SIPA1L3: variants seen among roughly 807,000 people sequenced by gnomAD.
SIPA1L3 encodes the protein signal-induced proliferation-associated 1-like protein 3.
SIPA1L3 carries 59 observed loss-of-function variants against 150.1 expected under a neutral mutation model. The observed-to-expected ratio is 0.39, with a 90% CI of 0.32 to 0.49. The LOEUF is 0.49. Among genes scored for constraint, SIPA1L3 ranks in the 20% least tolerant of loss-of-function variants. The pLI is 0.86. For synonymous variants in SIPA1L3, 1,070 were observed against 1,077.6 expected, an observed-to-expected ratio of 0.99 and a Z score of 0.14; for missense variants, 2,211 against 2,489.5, an observed-to-expected ratio of 0.89 and a Z score of 2.38.
Position 37,922,518 on chromosome 19 carries a change from C to T in SIPA1L3, c.-379+15160C>T, listed in dbSNP as rs537141508. On this transcript the variant is annotated intron_variant, in intron 1 of 21. Transcript: ENST00000222345. ...CAGCGATTCTCCTGCCTCAGCCTCC[C>T]GAGTAGCTGGGACTACAGGTACCCG... Among the ~76,000 whole-genome samples, 6 of 151,998 alleles carry T rather than the reference C, an allele frequency of 3.9e-5. No individual in the cohort carries two copies. In the South Asian group the frequency reaches 1.0e-3, roughly 26 times the overall value.
At chr19:38,203,873 C>T in intron 20 of SIPA1L3, 1 of 518,332 alleles carries the variant, frequency 1.9e-6, no homozygotes, top group Non-Finnish European at 3.5e-6. Context: ...AAAACGCACA[C>T]TTAAGGGTGG....
intron 2 of SIPA1L3, among the ~76,000 whole-genome samples, chr19:38,079,282 G>A (rs1445496805): frequency 1.3e-5 from 2 of 152,180 alleles, no homozygotes; most frequent in Non-Finnish European, 2.9e-5. Context: ...GCAGTGAGCC[G>A]AGATCGCGCC....
At chr19:37,923,818 G>T (rs1176008625) in intron 1 of SIPA1L3, among the ~76,000 whole-genome samples, 1 of 151,266 alleles carries the variant, frequency 6.6e-6, no homozygotes, top group Non-Finnish European at 1.5e-5. Flanking sequence ...GGAGTGCAGT[G>T]GCACGATCTT....
chr19:38,201,480 G>A lies in SIPA1L3; in HGVS notation c.4985-382G>A, dbSNP rs569213416. Among the ~76,000 whole-genome samples, 12 of 152,286 alleles carry A rather than the reference G, an allele frequency of 7.9e-5. No individual in the cohort carries two copies. The South Asian group carries it at 2.1e-3, about 26-fold the overall frequency. ...ATCCCCGTGGACCTGGCGCCAGCCCGTCCACTTTGTAACCCTTTTTTCCTA... is the reference window on the plus strand; with the variant it reads ...ATCCCCGTGGACCTGGCGCCAGCCCATCCACTTTGTAACCCTTTTTTCCTA... On this transcript the variant is annotated intron_variant, in intron 19 of 21. Transcript: ENST00000222345.
intron 10 of SIPA1L3, among the ~76,000 whole-genome samples, chr19:38,131,927 C>T (rs1228170499): frequency 6.6e-6 from 1 of 151,864 alleles, no homozygotes; most frequent in Non-Finnish European, 1.5e-5. Flanking sequence ...CCACTGCGTC[C>T]AGCCAACAGC....
intron 1 of SIPA1L3, among the ~76,000 whole-genome samples, chr19:37,918,871 AAAATAAATAAATAAATAAAT>A (rs56883776): frequency 2.9e-4 from 40 of 140,310 alleles, no homozygotes; most frequent in African/African-American, 1.0e-3. Flanking sequence ...ACTCGGTCTC[AAAATAAATAAATAAATAAAT>A]AAATAAATAA....
intron 1 of SIPA1L3, among the ~76,000 whole-genome samples, chr19:37,923,263 A>T (rs1056785341): frequency 2.0e-5 from 3 of 152,172 alleles, no homozygotes; most frequent in Non-Finnish European, 4.4e-5. Flanking sequence ...CTGTGTTCTG[A>T]GAAATGTGTT....
At chr19:37,926,318 A>G (rs1371991987) in intron 1 of SIPA1L3, among the ~76,000 whole-genome samples, 6 of 152,106 alleles carry the variant, frequency 3.9e-5, no homozygotes, top group Non-Finnish European at 7.4e-5. Context: ...AGGGCTTGCT[A>G]TTAAGCCCAG....
rs764959302 is a variant in SIPA1L3, at chr19:38,164,844, C to T, written c.4146C>T (p.Ser1382=). 1.3e-6 allele frequency: 2 copies of T among 1,595,698 alleles called. No homozygotes were observed. The highest frequency in any genetic ancestry group is 1.3e-5 in the African/African-American group (1 of 74,776). ...QSKGYRPKLY[S]SGSSTPTGLA... is the part of the protein sequence containing the mutation. ...AGGGCTACCGACCGAAGCTGTACTC[C>T]TCCGGCTCCAGCACCCCCACGGGAC... Residue 1382 remains serine (S), a synonymous_variant, in exon 15 of 22, where the codon TCC becomes TCT. Coordinates refer to ENST00000222345, the MANE Select transcript of SIPA1L3 (RefSeq NM_015073.3). The surrounding 1 kb of genome is among the most constrained non-coding windows in gnomAD (Gnocchi z 4.1).
intron 2 of SIPA1L3, 114 bp from the exon 3 acceptor site, chr19:38,081,142 A>T: frequency 2.5e-6 from 1 of 398,934 alleles, no homozygotes; most frequent in Non-Finnish European, 4.4e-6. Context: ...GCAAATTTCC[A>T]TAATAAAAAG....
At chr19:38,078,511 T>TGC (rs1969902696) in intron 2 of SIPA1L3, among the ~76,000 whole-genome samples, 1 of 106,074 alleles carries the variant, frequency 9.4e-6, no homozygotes, top group South Asian at 3.1e-4. Flanking sequence ...CACACAGACA[T>TGC]GCACACACAC....
chr19:38,035,076 G>A (rs1968749801), intron 2 of SIPA1L3, among the ~76,000 whole-genome samples: 1 of 152,160 alleles, frequency 6.6e-6, no homozygotes, highest in African/African-American at 2.4e-5. Flanking sequence ...CCCAGTGGAG[G>A]TGCCTAACCC....
chr19:38,066,658 C>T (rs1366731900), intron 2 of SIPA1L3, among the ~76,000 whole-genome samples: 4 of 151,378 alleles, frequency 2.6e-5, no homozygotes, highest in Non-Finnish European at 5.9e-5. Context: ...AAACCCCTGT[C>T]TCTACTAAAA....
Position 38,018,674 on chromosome 19 carries a change from G to A in SIPA1L3, c.-378-10415G>A, listed in dbSNP as rs548150867. Among the ~76,000 whole-genome samples the A allele has an allele frequency of 2.6e-5, 4 of 152,236 alleles. No individual in the cohort carries two copies. The South Asian group carries it at 8.3e-4, about 32-fold the overall frequency. On this transcript the variant is annotated intron_variant, in intron 1 of 21. Coordinates refer to ENST00000222345, the MANE Select transcript of SIPA1L3 (RefSeq NM_015073.3). The stretch of plus-strand genomic sequence containing the variant: ...ATTCTTCAGCTAATGGACATTCTGG[G>A]TTATCCTTACTCCCACTTTTCACAT...
chr19:37,936,027 C>G (rs764317302), intron 1 of SIPA1L3, among the ~76,000 whole-genome samples: 2 of 152,114 alleles, frequency 1.3e-5, no homozygotes, highest in Non-Finnish European at 2.9e-5. Context: ...CATCCTTAGC[C>G]TCATATTCAT....
chr19:37,927,876 T>C (rs1568466981), intron 1 of SIPA1L3, among the ~76,000 whole-genome samples: 1 of 152,136 alleles, frequency 6.6e-6, no homozygotes, highest in African/African-American at 2.4e-5. Flanking sequence ...AGACATGATT[T>C]CATTCTTGTT....
intron 9 of SIPA1L3, among the ~76,000 whole-genome samples, chr19:38,125,532 T>C (rs1197900471): frequency 6.6e-6 from 1 of 151,898 alleles, no homozygotes; most frequent in East Asian, 1.9e-4. Context: ...TCCACAGCCA[T>C]ACCCCCACCC....
At chr19:38,042,358 A>G (rs556806781) in intron 2 of SIPA1L3, among the ~76,000 whole-genome samples, 1 of 152,306 alleles carries the variant, frequency 6.6e-6, no homozygotes, top group South Asian at 2.1e-4. Context: ...ATAGCTTTGT[A>G]ATATAATTTT....
chr19:38,036,064 T>C (rs952282566), intron 2 of SIPA1L3, among the ~76,000 whole-genome samples: 1 of 152,206 alleles, frequency 6.6e-6, no homozygotes, highest in African/African-American at 2.4e-5. Context: ...GACCCATGGC[T>C]CCTGGCCTCC....
Sources: gnomAD v4.1 joint callset for allele counts (sites outside exome capture counted in the v4.1 genomes callset) on GRCh38, gnomAD v4.1.1 for gene constraint, Gnocchi (gnomAD v3.1) non-coding constraint, MANE v1.5 for transcripts, NCBI Gene and HGNC (gene_info 2026-07-23, HGNC 2026-07-21) for gene names.